The following FAT3 variants were observed in gnomAD, a reference collection of about 807,000 sequenced individuals.
FAT3 encodes the protein FAT atypical cadherin 3.
Under a neutral mutation model 310.2 loss-of-function variants are expected in FAT3, and 95 were observed. That is an observed-to-expected ratio of 0.31 (90% CI 0.26 to 0.36). The LOEUF (loss-of-function observed/expected upper bound fraction) is 0.36. Among genes scored for constraint, FAT3 ranks in the 10% least tolerant of loss-of-function variants. The probability of loss-of-function intolerance (pLI) is 1.00; values close to 1 mark genes in which losing one functional copy is unlikely to be tolerated. For missense variants in FAT3, 5,408 were observed against 5,715.6 expected, an observed-to-expected ratio of 0.95 and a Z score of 1.74; for synonymous variants, 2,314 against 2,192.9, an observed-to-expected ratio of 1.06 and a Z score of -1.54.
At chr11:92,843,697 C>T (rs181326309) in intron 18 of FAT3, among the ~76,000 whole-genome samples, 26 of 152,246 alleles carry the variant, frequency 1.7e-4, no homozygotes, top group African/African-American at 4.8e-4. Context: ...TCACCCCAGC[C>T]GGCTTTATTG....
At chr11:92,890,036 C>G (rs1949881158) in intron 27 of FAT3, 145 bp downstream of exon 27, 1 of 703,012 alleles carries the variant, frequency 1.4e-6, no homozygotes, top group Non-Finnish European at 2.7e-6. Context: ...GAGGTGAAAG[C>G]TCCACCAGCA....
intron 1 of FAT3, among the ~76,000 whole-genome samples, chr11:92,227,377 A>G (rs1863965430): frequency 6.6e-6 from 1 of 152,138 alleles, no homozygotes; most frequent in Non-Finnish European, 1.5e-5. Context: ...TGCCCAGGCT[A>G]AGTTAAAATA....
At chr11:92,590,188 T>C (rs1162351394) in intron 3 of FAT3, among the ~76,000 whole-genome samples, 1 of 152,100 alleles carries the variant, frequency 6.6e-6, no homozygotes, top group Non-Finnish European at 1.5e-5. Context: ...ATAAGTGGTA[T>C]AATCATGGTA....
chr11:92,433,146 G>A (rs998398922), intron 2 of FAT3, among the ~76,000 whole-genome samples: 1 of 152,186 alleles, frequency 6.6e-6, no homozygotes, highest in African/African-American at 2.4e-5. Context: ...AGAATTTCAA[G>A]GCAGTGGATC....
intron 1 of FAT3, among the ~76,000 whole-genome samples, chr11:92,317,963 A>C (rs1947509450): frequency 6.6e-6 from 1 of 152,206 alleles, no homozygotes; most frequent in African/African-American, 2.4e-5. Context: ...GTTATTCTCA[A>C]TCTTCTGCCA....
chr11:92,324,911 A>G (rs1234656412), intron 1 of FAT3, among the ~76,000 whole-genome samples: 1 of 152,212 alleles, frequency 6.6e-6, no homozygotes, highest in African/African-American at 2.4e-5. Context: ...GGAACTCTGT[A>G]TATTCACCAG....
chr11:92,353,941 T>A lies in FAT3; in HGVS notation c.1829T>A (p.Leu610His), dbSNP rs530128741. 1 of 1,612,048 alleles carries A rather than the reference T, an allele frequency of 6.2e-7. No individual in the cohort carries two copies. Among genetic ancestry groups the A allele is most frequent in the Non-Finnish European group, 8.5e-7 (1 of 1,178,330 alleles). Residue 610 changes from leucine to histidine, a missense_variant, in exon 2 of 28, where the codon CTT (leucine) becomes CAT (histidine). Physicochemically the swap from Leu to His is moderately conservative, Grantham distance 99. Transcript: ENST00000525166. ...VSAIDIDELE[L>H]VKYKIISGNE... is the part of the protein sequence containing the mutation. ...GCGATCGATATCGATGAACTTGAAC[T>A]TGTAAAGTACAAAATCATTTCTGGA... is the stretch of plus-strand genomic sequence containing the variant.
chr11:92,509,376 A>C (rs1265723617), intron 2 of FAT3, among the ~76,000 whole-genome samples: 1 of 152,200 alleles, frequency 6.6e-6, no homozygotes, highest in Non-Finnish European at 1.5e-5. Flanking sequence ...AGAGTAATTG[A>C]AAAAAGATAG....
intron 25 of FAT3, 125 bp downstream of exon 25, chr11:92,887,238 T>C: frequency 1.3e-6 from 1 of 776,810 alleles, no homozygotes; most frequent in South Asian, 1.8e-5. Context: ...TTTGAGCGTG[T>C]TCACCAGGTC....
At chr11:92,588,691 T>TTTCTTCTGC (rs1939275022) in intron 3 of FAT3, among the ~76,000 whole-genome samples, 4 of 148,310 alleles carry the variant, frequency 2.7e-5, no homozygotes, top group African/African-American at 7.7e-5. Flanking sequence ...CATTCTTCTG[T>TTTCTTCTGC]TAGACATCAG....
chr11:92,285,723 C>T (rs181700917), intron 1 of FAT3, among the ~76,000 whole-genome samples: 200 of 152,216 alleles, frequency 1.3e-3, no homozygotes, highest in African/African-American at 4.7e-3. Flanking sequence ...TTGCGCATGT[C>T]CTGTTTTGTC....
chr11:92,339,081 A>G (rs150997491), intron 1 of FAT3, among the ~76,000 whole-genome samples: 278 of 152,276 alleles, frequency 1.8e-3, no homozygotes, highest in African/African-American at 6.3e-3. Flanking sequence ...CTATTAATAT[A>G]TCATTGGCTC....
intron 13 of FAT3, among the ~76,000 whole-genome samples, chr11:92,812,262 G>C (rs1371757863): frequency 6.6e-6 from 1 of 152,148 alleles, no homozygotes; most frequent in Admixed American, 6.5e-5. Context: ...CTGAACCTCT[G>C]TCTGGAAGCT....
chr11:92,641,545 C>T (rs529433192), intron 3 of FAT3, among the ~76,000 whole-genome samples: 67 of 152,268 alleles, frequency 4.4e-4, no homozygotes, highest in African/African-American at 1.6e-3. Flanking sequence ...CTTGAGGCTG[C>T]GTCACTCCAA....
chr11:92,365,767 C>G (rs147681928), intron 2 of FAT3, among the ~76,000 whole-genome samples: 48 of 152,232 alleles, frequency 3.2e-4, no homozygotes, highest in African/African-American at 1.2e-3. Context: ...GGGAGAGATT[C>G]TAAAATACAC....
At chr11:92,475,139 G>A (rs530680499) in intron 2 of FAT3, among the ~76,000 whole-genome samples, 4 of 152,240 alleles carry the variant, frequency 2.6e-5, no homozygotes, top group South Asian at 4.1e-4. Context: ...TCTTTTTCAT[G>A]GGAAGGTCTT....
chr11:92,331,217 C>A (rs1373410537), intron 1 of FAT3, among the ~76,000 whole-genome samples: 1 of 151,560 alleles, frequency 6.6e-6, no homozygotes, highest in African/African-American at 2.4e-5. Flanking sequence ...GCTGCTATTG[C>A]ACAGTTAAGT....
intron 20 of FAT3, among the ~76,000 whole-genome samples, chr11:92,858,913 T>C (rs376023195): frequency 1.1e-4 from 17 of 152,324 alleles, no homozygotes; most frequent in African/African-American, 3.8e-4. Context: ...ATTTACCAAG[T>C]GGCTCTTGGC....
chr11:92,680,353 T>A (rs540365435), intron 3 of FAT3, among the ~76,000 whole-genome samples: 1 of 152,320 alleles, frequency 6.6e-6, no homozygotes, highest in South Asian at 2.1e-4. Flanking sequence ...ACCATTTATT[T>A]TCTGAAGAAG....
Sources: allele counts gnomAD v4.1 joint callset (sites outside exome capture counted in the v4.1 genomes callset), GRCh38; gene constraint gnomAD v4.1.1; transcripts MANE v1.5; gene names NCBI Gene and HGNC (gene_info 2026-07-23, HGNC 2026-07-21).